ACOX1: variants seen among roughly 807,000 people sequenced by gnomAD.
ACOX1 encodes the protein peroxisomal acyl-coenzyme A oxidase 1.
ACOX1 carries 41 observed loss-of-function variants against 75.5 expected under a neutral mutation model. The observed-to-expected ratio is 0.54, with a 90% CI of 0.42 to 0.70. The LOEUF (loss-of-function observed/expected upper bound fraction) is 0.70. Ranked by LOEUF, ACOX1 falls within the 30% of genes least tolerant of loss-of-function variation. The pLI, the probability that ACOX1 is intolerant of heterozygous loss-of-function variation, is 0.00. For missense variants in ACOX1, 630 were observed against 837.5 expected (o/e 0.75, Z 3.06); for synonymous variants, 303 against 298.8 (o/e 1.01, Z -0.15).
rs554815088 is a variant in ACOX1, at chr17:75,944,661, T to C, written c.*2087A>G. 6.6e-6 allele frequency: 1 copy of C among 152,348 alleles called. No homozygotes were observed. The highest frequency in any genetic ancestry group is 1.9e-4 in the East Asian group (1 of 5,192). The allele number at this position is 152,348 out of a possible 1,614,324, so 9.4% of individuals were successfully genotyped here. ...AATAGTACAAATCAGTGACGTTTACTCTATCTTTATTCTTGATTATATTGA... is the reference window on the plus strand; with the variant it reads ...AATAGTACAAATCAGTGACGTTTACCCTATCTTTATTCTTGATTATATTGA... On this transcript the variant is annotated 3_prime_UTR_variant, in exon 14 of 14. Coordinates refer to ENST00000293217, the MANE Select transcript of ACOX1 (RefSeq NM_004035.7).
chr17:75,966,716 C>T (rs1225669085), intron 2 of ACOX1, among the ~76,000 whole-genome samples: 1 of 152,004 alleles, frequency 6.6e-6, no homozygotes, highest in Admixed American at 6.6e-5. Context: ...GGTAGAATCG[C>T]TTGAATCCAG....
At chr17:75,956,393 A>T (rs1346929724) in intron 4 of ACOX1, among the ~76,000 whole-genome samples, 3 of 152,160 alleles carry the variant, frequency 2.0e-5, no homozygotes, top group African/African-American at 7.2e-5. Context: ...ATAAGAAGAT[A>T]TAAAAGTTTC....
chr17:75,973,704 A>G (rs138303124), intron 2 of ACOX1: 1 of 1,614,194 alleles, frequency 6.2e-7, no homozygotes, highest in Non-Finnish European at 8.5e-7. Context: ...CTTTCTGAGC[A>G]GTGGTGCCCT....
At chr17:75,962,875 T>G (rs1050281611) in intron 2 of ACOX1, among the ~76,000 whole-genome samples, 1 of 152,126 alleles carries the variant, frequency 6.6e-6, no homozygotes. Context: ...CTCACGCCTG[T>G]AATCCCAGCA....
Position 75,949,503 on chromosome 17 carries a change from C to T in ACOX1, c.1576G>A (p.Ala526Thr). The T allele has an allele frequency of 6.2e-7, 1 of 1,614,154 alleles. No homozygotes were observed. Among genetic ancestry groups the T allele is most frequent in the South Asian group, 1.1e-5 (1 of 91,084 alleles). The change falls in exon 11 of 14, where the codon GCA becomes ACA. Residue 526 changes from alanine (A) to threonine (T), a missense_variant. Transcript: ENST00000293217. ...AGAGAACTACCACTGACCTCACTTGCTCGAACAAGGTCAACAGAAGTTAGG... is the reference window on the plus strand; with the variant it reads ...AGAGAACTACCACTGACCTCACTTGTTCGAACAAGGTCAACAGAAGTTAGG... The part of the protein sequence containing the change: ...WNLTSVDLVR[A>T]SEAHCHYVVV...
At chr17:75,953,311 GA>G in intron 7 of ACOX1, 139 bp downstream of exon 7, 1 of 888,386 alleles carries the variant, frequency 1.1e-6, no homozygotes, top group Non-Finnish European at 1.8e-6. Context: ...GCCTAGATAT[GA>G]AATTACAGGC....
chr17:75,950,900 G>A lies in ACOX1; in HGVS notation c.1172C>T (p.Ala391Val). 6.2e-7 allele frequency: 1 copy of A among 1,614,160 alleles called. No homozygotes were observed. Among genetic ancestry groups the A allele is most frequent in the African/African-American group, 1.3e-5 (1 of 75,052 alleles). ...TSWTANTGIEACRMACGGHGY... is the reference protein window; with the variant it reads ...TSWTANTGIEVCRMACGGHGY... ...ATGCCCACCACAAGCCATCCGACAT[G>A]CTTCAATGCCAGTGTTTGCAGTCCA... Residue 391 changes from alanine (A) to valine (V), a missense_variant, in exon 9 of 14, where the codon GCA becomes GTA. Coordinates refer to ENST00000293217, the MANE Select transcript of ACOX1 (RefSeq NM_004035.7). This position sits in a 1 kb window ranked among gnomAD's most constrained non-coding sequence, Gnocchi z 4.3.
chr17:75,960,031 T>C lies in ACOX1; in HGVS notation c.430+184A>G, dbSNP rs2065873403. 6.6e-6 allele frequency among the ~76,000 whole-genome samples: 1 copy of C among 152,226 alleles called. No homozygotes were observed. The highest frequency in any genetic ancestry group is 2.4e-5 in the African/African-American group (1 of 41,462). ...AAAAAGGACAATCATTTTATCAGTATCATGGTCTTTAATTCCCACTCACCA... is the reference window on the plus strand; with the variant it reads ...AAAAAGGACAATCATTTTATCAGTACCATGGTCTTTAATTCCCACTCACCA... On this transcript the variant is annotated intron_variant, in intron 3 of 13. Transcript: ENST00000293217. This position sits in a 1 kb window ranked among gnomAD's most constrained non-coding sequence, Gnocchi z 4.4.
At chr17:75,968,334 G>A (rs1172687213) in intron 2 of ACOX1, among the ~76,000 whole-genome samples, 3 of 146,414 alleles carry the variant, frequency 2.0e-5, no homozygotes, top group Admixed American at 6.8e-5. Flanking sequence ...TACTTGGGAG[G>A]CTGAGGCAGG....
rs994089593 is a variant in ACOX1, at chr17:75,942,700, T to A, written c.*4048A>T. The A allele has an allele frequency of 6.6e-6, 1 of 151,994 alleles. No individual in the cohort carries two copies. Among genetic ancestry groups the A allele is most frequent in the South Asian group, 2.1e-4 (1 of 4,822 alleles). The allele number at this position is 151,994 out of a possible 1,614,324, so 9.4% of individuals were successfully genotyped here. On this transcript the variant is annotated 3_prime_UTR_variant, in exon 14 of 14. Transcript: ENST00000293217. ...TAGCAGCTACTGCTTGAAGACAACCTATATATCCCAGGCATACCCTCTACA... is the reference window on the plus strand; with the variant it reads ...TAGCAGCTACTGCTTGAAGACAACCAATATATCCCAGGCATACCCTCTACA...
At chr17:75,948,188 C>G (rs1598172964) in intron 13 of ACOX1, 63 bp downstream of exon 13, 2 of 1,534,430 alleles carry the variant, frequency 1.3e-6, no homozygotes, top group African/African-American at 1.4e-5. Flanking sequence ...CTTCGAGAGG[C>G]CTTTCCTGCT....
chr17:75,976,072 C>T (rs767720212), intron 2 of ACOX1, among the ~76,000 whole-genome samples: 2 of 152,128 alleles, frequency 1.3e-5, no homozygotes, highest in East Asian at 1.9e-4. Flanking sequence ...GAGTTATAAT[C>T]GATGAGATTA....
rs1431608065 is a variant in ACOX1, at chr17:75,957,002, T to C, written c.538+457A>G. 4.8e-3 allele frequency among the ~76,000 whole-genome samples: 398 copies of C among 82,284 alleles called. 13 individuals are homozygous for C. The highest frequency in any genetic ancestry group is 0.014 in the African/African-American group (326 of 23,780). 54.0% of individuals were successfully genotyped at this position (82,284 alleles called of 152,430 possible). On this transcript the variant is annotated intron_variant, in intron 4 of 13. Transcript: ENST00000293217. ...ATATATATATATATATATATATATA[T>C]ATATATACACACACACACCTCTCTC...
At chr17:75,958,363 A>AAAAAAG (rs1022169774) in intron 3 of ACOX1, among the ~76,000 whole-genome samples, 15 of 147,340 alleles carry the variant, frequency 1.0e-4, no homozygotes, top group Admixed American at 4.1e-4. Flanking sequence ...AAAAAAAAAA[A>AAAAAAG]AAAAAGAAAA....
chr17:75,971,337 G>A (rs999541240), intron 2 of ACOX1, among the ~76,000 whole-genome samples: 2 of 151,236 alleles, frequency 1.3e-5, no homozygotes, highest in East Asian at 1.9e-4. Context: ...ATAAGGGAAC[G>A]AAAACTCTAA....
intron 2 of ACOX1, among the ~76,000 whole-genome samples, chr17:75,977,987 C>A (rs2066070643): frequency 6.6e-6 from 1 of 152,208 alleles, no homozygotes; most frequent in Non-Finnish European, 1.5e-5. Context: ...AACAAAAACT[C>A]CTGCATTTCC....
chr17:75,956,959 CTCTCTCTCTCTCTATATATATATATATA>C (rs1567877945), intron 4 of ACOX1, among the ~76,000 whole-genome samples: 174 of 25,200 alleles, frequency 6.9e-3, no homozygotes, highest in Admixed American at 0.023. Context: ...CTCTCTCTCT[CTCTCTCTCTCTCTATATATATATATATA>C]TATATATATA....
intron 2 of ACOX1, among the ~76,000 whole-genome samples, chr17:75,972,743 GT>G (rs1406860776): frequency 2.0e-5 from 3 of 151,554 alleles, no homozygotes; most frequent in Non-Finnish European, 4.4e-5. Flanking sequence ...GAAGTCTTGA[GT>G]GTTTAGTAAA....
intron 7 of ACOX1, 120 bp downstream of exon 7, chr17:75,953,331 C>T (rs952418286): frequency 1.8e-6 from 2 of 1,139,408 alleles, no homozygotes; most frequent in Non-Finnish European, 2.6e-6. Context: ...GCCCAGTTAT[C>T]ACCCTAGCCA....
Sources: gnomAD v4.1 joint callset for allele counts (sites outside exome capture counted in the v4.1 genomes callset) on GRCh38, gnomAD v4.1.1 for gene constraint, Gnocchi (gnomAD v3.1) non-coding constraint, MANE v1.5 for transcripts, NCBI Gene and HGNC (gene_info 2026-07-23, HGNC 2026-07-21) for gene names.